SPTB: variants seen among roughly 807,000 people sequenced by gnomAD.
SPTB encodes the protein spectrin beta, erythrocytic.
In SPTB, 45 loss-of-function variants were observed where a neutral mutation model predicts 256.2. The observed-to-expected ratio is 0.18, with a 90% CI of 0.14 to 0.23. The LOEUF is 0.23. Ranked by LOEUF, SPTB falls within the 10% of genes least tolerant of loss-of-function variation. The pLI is 1.00. For synonymous variants in SPTB, 1,231 were observed against 1,243.1 expected (o/e 0.99, Z 0.21); for missense variants, 2,715 against 3,040.4 (o/e 0.89, Z 2.52).
chr14:64,847,108 A>C lies in SPTB; in HGVS notation c.-51-23963T>G, dbSNP rs2083705203. On this transcript the variant is annotated intron_variant, in intron 1 of 35. Transcript: ENST00000644917. This position sits in a 1 kb window ranked among gnomAD's most constrained non-coding sequence, Gnocchi z 5.9. The stretch of plus-strand genomic sequence containing the variant: ...CTCCACCTCGGGGTGTGATTTCCTC[A>C]GTTGTTCACTGGCATAGAAGCCTCA... Among the ~76,000 whole-genome samples the C allele has an allele frequency of 1.3e-5, 2 of 152,180 alleles. No homozygotes were observed. The highest frequency in any genetic ancestry group is 1.3e-4 in the Admixed American group (2 of 15,282).
rs771930292 is a variant in SPTB, at chr14:64,801,375, G to A, written c.673C>T (p.Leu225=). 25 of 1,614,066 alleles carry A rather than the reference G, an allele frequency of 1.5e-5. No homozygotes were observed. The South Asian group carries it at 1.6e-4, about 11-fold the overall frequency. Reference sequence around the variant, plus strand: ...TTGTGCCGGGCATTGGAGTCCTTCAGCTTATCAAAGTCGATCAGGTCGGGC... The same window carrying A: ...TTGTGCCGGGCATTGGAGTCCTTCAACTTATCAAAGTCGATCAGGTCGGGC... ...HRPDLIDFDK[L]KDSNARHNLE... Residue 225 remains leucine (L), a synonymous_variant, in exon 7 of 36, where the codon CTG becomes TTG. Transcript: ENST00000644917.
intron 32 of SPTB, 87 bp downstream of exon 32, chr14:64,766,639 C>T (rs373881360): frequency 3.1e-6 from 5 of 1,612,096 alleles, no homozygotes; most frequent in African/African-American, 2.7e-5. Context: ...GCTCATCTCG[C>T]CTCCACCTGG....
chr14:64,774,655 G>T (rs1053643552), intron 23 of SPTB, 128 bp from the exon 24 acceptor site: 1 of 1,353,508 alleles, frequency 7.4e-7, no homozygotes, highest in East Asian at 2.5e-5. Flanking sequence ...ACCCGCAGGA[G>T]AGCCACACAT....
At position 64,782,557 on chromosome 14, in the gene SPTB, G is replaced by A; in HGVS notation, c.4003-4C>T. On this transcript the variant is annotated splice_polypyrimidine_tract_variant and splice_region_variant and intron_variant, in intron 19 of 35. Transcript: ENST00000644917. ...CATCCATCAGCTGCTTTCCTTCCTA[G>A]GGGCAAGAAGGAGGAGAGCTCACAT... 3 of 1,613,438 alleles carry A rather than the reference G, an allele frequency of 1.9e-6. No individual in the cohort carries two copies. The highest frequency in any genetic ancestry group is 2.5e-6 in the Non-Finnish European group (3 of 1,179,994).
chr14:64,815,975 T>C (rs745422167), intron 2 of SPTB, among the ~76,000 whole-genome samples: 1 of 152,172 alleles, frequency 6.6e-6, no homozygotes, highest in Non-Finnish European at 1.5e-5. Context: ...CATTTTCTCC[T>C]CACCTATGGG....
intron 18 of SPTB, 69 bp from the exon 19 acceptor site, chr14:64,784,462 ATCCC>A: frequency 6.3e-7 from 1 of 1,589,256 alleles, no homozygotes; most frequent in South Asian, 1.1e-5. Flanking sequence ...CCTGCTGCCC[ATCCC>A]TGGCTGCAGA....
chr14:64,749,550 GC>G lies in SPTB; in HGVS notation c.6820-78del. On this transcript the variant is annotated intron_variant, in intron 35 of 35. Transcript: ENST00000644917. This position sits in a 1 kb window ranked among gnomAD's most constrained non-coding sequence, Gnocchi z 4.7. ...CCCGGGCCAGGCAACAATGGTGGGGGCTCTTGGGACTGCCCCTTCTGAGGGG... is the reference window on the plus strand; with the variant it reads ...CCCGGGCCAGGCAACAATGGTGGGGGTCTTGGGACTGCCCCTTCTGAGGGG... The G allele has an allele frequency of 3.1e-6, 5 of 1,602,190 alleles. No individual in the cohort carries two copies. In the East Asian group the frequency reaches 1.1e-4, roughly 36 times the overall value.
intron 33 of SPTB, among the ~76,000 whole-genome samples, chr14:64,751,394 A>T (rs572951063): frequency 4.6e-5 from 7 of 152,236 alleles, no homozygotes; most frequent in South Asian, 2.1e-4. Flanking sequence ...TGCTGGGATT[A>T]CAGTCCTGAG....
At chr14:64,830,370 ATTATTATTATTTT>A (rs1449315068) in intron 1 of SPTB, among the ~76,000 whole-genome samples, 2 of 98,528 alleles carry the variant, frequency 2.0e-5, no homozygotes, top group Non-Finnish European at 3.9e-5. Flanking sequence ...TATTATTATT[ATTATTATTATTTT>A]ATTTTATTTT....
Position 64,852,268 on chromosome 14 carries a change from A to C in SPTB, c.-52+27524T>G, listed in dbSNP as rs2083800418. On this transcript the variant is annotated intron_variant, in intron 1 of 35. Coordinates refer to ENST00000644917, the MANE Select transcript of SPTB (RefSeq NM_001355436.2). The surrounding 1 kb of genome is among the most constrained non-coding windows in gnomAD (Gnocchi z 4.2). ...GAAGTGGAGCCAGGCACAACAGGGA[A>C]GTAAGAGGAAAGCATATGTGGAGGC... Among the ~76,000 whole-genome samples the C allele has an allele frequency of 6.6e-6, 1 of 152,052 alleles. No individual in the cohort carries two copies. The highest frequency in any genetic ancestry group is 1.5e-5 in the Non-Finnish European group (1 of 68,024).
chr14:64,851,178 A>G (rs1488221474), intron 1 of SPTB, among the ~76,000 whole-genome samples: 1 of 152,232 alleles, frequency 6.6e-6, no homozygotes, highest in Non-Finnish European at 1.5e-5. Flanking sequence ...ATGTTCAATT[A>G]TGTTATTTCC....
In SPTB at chr14:64,805,007, G is replaced by A; in HGVS notation, c.232C>T (p.Leu78Phe). 1 of 1,613,432 alleles carries A rather than the reference G, an allele frequency of 6.2e-7. No homozygotes were observed. The highest frequency in any genetic ancestry group is 8.5e-7 in the Non-Finnish European group (1 of 1,179,816). Residue 78 changes from leucine (L) to phenylalanine (F), a missense_variant, in exon 3 of 36, where the codon CTC becomes TTC. Leu to Phe is a conservative substitution (Grantham distance 22). Around this residue, in one of 4 missense-constraint regions of SPTB, gnomAD observed 416 missense variants for 571.1 expected, o/e 0.73. Transcript: ENST00000644917. ...CGCCCATCCCGCAGGTCCTTGTAGA[G>A]ATCGGTGATGCGGCAGGACACTCGA... is the stretch of plus-strand genomic sequence containing the variant. ...LARVSCRITD[L>F]YKDLRDGRML...
rs911719512 is a variant in SPTB at position 64,796,334 on chromosome 14, C to T, written c.1341+223G>A. On this transcript the variant is annotated intron_variant, in intron 11 of 35. Transcript: ENST00000644917. This position sits in a 1 kb window ranked among gnomAD's most constrained non-coding sequence, Gnocchi z 4.1. ...ACAGGCCCACATAAGACAACTTCAG[C>T]GGCCAGTTCTAGACTCCAAGGCTCT... is the stretch of plus-strand genomic sequence containing the variant. Among the ~76,000 whole-genome samples the T allele has an allele frequency of 2.6e-5, 4 of 152,170 alleles. No homozygotes were observed. The highest frequency in any genetic ancestry group is 4.1e-4 in the South Asian group (2 of 4,822).
intron 4 of SPTB, among the ~76,000 whole-genome samples, chr14:64,803,358 A>C (rs1426008941): frequency 6.6e-6 from 1 of 152,190 alleles, no homozygotes; most frequent in Non-Finnish European, 1.5e-5. Context: ...CAACCCAGCT[A>C]CCAATTAATT....
chr14:64,805,743 C>T (rs181214387), intron 2 of SPTB, among the ~76,000 whole-genome samples: 12 of 152,184 alleles, frequency 7.9e-5, no homozygotes, highest in African/African-American at 9.7e-5. Context: ...TATGTGGCAG[C>T]GCTGTGCTAG....
At position 64,749,197 on chromosome 14, in the gene SPTB, G is replaced by A. The variant is rs2081900623; in HGVS notation, c.*109C>T. ...CGTGGGGCCCGGGGGCCCGGCCCGC[G>A]ACTCGACTCATCTCGATTCGACCGG... On this transcript the variant is annotated 3_prime_UTR_variant, in exon 36 of 36. Transcript: ENST00000644917. This position sits in a 1 kb window ranked among gnomAD's most constrained non-coding sequence, Gnocchi z 4.7. The A allele has an allele frequency of 3.6e-6, 5 of 1,374,128 alleles. No individual in the cohort carries two copies. Among genetic ancestry groups the A allele is most frequent in the African/African-American group, 2.9e-5 (2 of 69,022 alleles). The allele number at this position is 1,374,128 out of a possible 1,614,324, so 85.1% of individuals were successfully genotyped here.
rs139307638 is a variant in SPTB at position 64,758,714 on chromosome 14, G to A, written c.6346-4921C>T. On this transcript the variant is annotated intron_variant, in intron 32 of 35. Transcript: ENST00000644917. This position sits in a 1 kb window ranked among gnomAD's most constrained non-coding sequence, Gnocchi z 4.6. ...CTCTTGGGGTTCCCATCTGCCCAGG[G>A]AAAGTGCACAAACAGCAGAGAGCAA... 3.2e-3 allele frequency among the ~76,000 whole-genome samples: 482 copies of A among 152,356 alleles called. No homozygotes were observed. The highest frequency in any genetic ancestry group is 4.8e-3 in the Non-Finnish European group (324 of 68,034).
intron 1 of SPTB, among the ~76,000 whole-genome samples, chr14:64,865,614 A>C (rs1307335080): frequency 1.3e-5 from 2 of 152,068 alleles, no homozygotes; most frequent in East Asian, 3.9e-4. Context: ...CTGAGTACCA[A>C]CTCTACCATG....
chr14:64,752,176 A>T (rs780339769), intron 33 of SPTB: 31 of 1,342,138 alleles, frequency 2.3e-5, no homozygotes, highest in Non-Finnish European at 3.0e-5. Flanking sequence ...AATCAAACTG[A>T]TAACAGGTGG....
Sources: allele counts gnomAD v4.1 joint callset (sites outside exome capture counted in the v4.1 genomes callset), GRCh38; gene constraint gnomAD v4.1.1; regional missense constraint gnomAD v4.1.1; non-coding constraint Gnocchi (gnomAD v3.1); transcripts MANE v1.5; gene names NCBI Gene and HGNC (gene_info 2026-07-23, HGNC 2026-07-21).